TMEM132C: variants seen among roughly 807,000 people sequenced by gnomAD.
TMEM132C encodes the protein transmembrane protein 132C.
Under a neutral mutation model 61.4 loss-of-function variants are expected in TMEM132C, and 29 were observed. The ratio of observed to expected loss-of-function variants is 0.47; its 90% CI spans 0.35 to 0.64. The LOEUF is 0.64. Among genes scored for constraint, TMEM132C ranks in the 30% least tolerant of loss-of-function variants. TMEM132C has a pLI of 0.00. For synonymous variants in TMEM132C, 656 were observed against 633.1 expected (o/e 1.04, Z -0.54); for missense variants, 1,408 against 1,476.9 (o/e 0.95, Z 0.76).
At chr12:128,463,790 C>T (rs1324897570) in intron 2 of TMEM132C, among the ~76,000 whole-genome samples, 1 of 152,120 alleles carries the variant, frequency 6.6e-6, no homozygotes, top group Non-Finnish European at 1.5e-5. Context: ...TGTGTGCCTT[C>T]CCTACTCCCT....
rs572818526 is a variant in TMEM132C at position 128,580,759 on chromosome 12, C to T, written c.1122-35393C>T. 3.3e-5 allele frequency among the ~76,000 whole-genome samples: 5 copies of T among 152,260 alleles called. No homozygotes were observed. In the South Asian group the frequency reaches 6.2e-4, roughly 19 times the overall value. ...TCCCTGAGACTAAACTTACACTGCCCGCTCGCGCCAGCTTGCTACCCTCAG... is the reference window on the plus strand; with the variant it reads ...TCCCTGAGACTAAACTTACACTGCCTGCTCGCGCCAGCTTGCTACCCTCAG... On this transcript the variant is annotated intron_variant, in intron 3 of 8. Transcript: ENST00000435159.
intron 1 of TMEM132C, among the ~76,000 whole-genome samples, chr12:128,306,362 T>C (rs1422541741): frequency 6.6e-6 from 1 of 151,986 alleles, no homozygotes; most frequent in Non-Finnish European, 1.5e-5. Context: ...CCACCACGCC[T>C]GGCTAATTTT....
chr12:128,599,304 G>A (rs1593114819), intron 3 of TMEM132C, among the ~76,000 whole-genome samples: 1 of 152,208 alleles, frequency 6.6e-6, no homozygotes, highest in South Asian at 2.1e-4. Context: ...AATCTCTGCT[G>A]CAGAACTGCC....
intron 5 of TMEM132C, among the ~76,000 whole-genome samples, chr12:128,686,183 A>T (rs1357639412): frequency 6.6e-6 from 1 of 152,124 alleles, no homozygotes; most frequent in Non-Finnish European, 1.5e-5. Context: ...TGTTGGCGGC[A>T]CTGGGTGCGC....
intron 1 of TMEM132C, among the ~76,000 whole-genome samples, chr12:128,402,626 GACGGACC>G (rs144690170): frequency 0.1 from 15,766 of 152,262 alleles, 1,001 homozygotes; most frequent in East Asian, 0.16. Flanking sequence ...CCCACCTGCA[GACGGACC>G]TCGGTTCCAA....
intron 8 of TMEM132C, among the ~76,000 whole-genome samples, chr12:128,700,786 T>C (rs979820720): frequency 6.6e-6 from 1 of 152,210 alleles, no homozygotes; most frequent in Non-Finnish European, 1.5e-5. Context: ...GAAGGACTTA[T>C]TGGATTGTGT....
chr12:128,359,267 G>GA (rs1484105445), intron 1 of TMEM132C, among the ~76,000 whole-genome samples: 2 of 152,156 alleles, frequency 1.3e-5, no homozygotes, highest in African/African-American at 4.8e-5. Context: ...CATGGCTGGG[G>GA]AGGCCTCACA....
At chr12:128,331,146 T>G (rs2135944943) in intron 1 of TMEM132C, among the ~76,000 whole-genome samples, 1 of 143,106 alleles carries the variant, frequency 7.0e-6, no homozygotes, top group South Asian at 2.3e-4. Flanking sequence ...TCCCCAATCC[T>G]GTTTTCTCTA....
intron 2 of TMEM132C, among the ~76,000 whole-genome samples, chr12:128,455,209 G>A (rs1356598965): frequency 6.6e-6 from 1 of 152,194 alleles, no homozygotes; most frequent in African/African-American, 2.4e-5. Flanking sequence ...ACAGCTTGAA[G>A]CAAAGAGCTG....
At chr12:128,336,081 A>G (rs568690563) in intron 1 of TMEM132C, among the ~76,000 whole-genome samples, 2 of 152,336 alleles carry the variant, frequency 1.3e-5, no homozygotes, top group African/African-American at 2.4e-5. Context: ...TTGTGTTTTA[A>G]ATAAATACAA....
intron 2 of TMEM132C, among the ~76,000 whole-genome samples, chr12:128,466,343 A>G (rs1168184474): frequency 2.0e-5 from 3 of 152,220 alleles, no homozygotes; most frequent in Admixed American, 1.3e-4. Context: ...TTGACCTGCA[A>G]GCATGCTTTG....
chr12:128,504,171 G>T (rs1872274519), intron 2 of TMEM132C, among the ~76,000 whole-genome samples: 2 of 152,208 alleles, frequency 1.3e-5, no homozygotes, highest in South Asian at 2.1e-4. Flanking sequence ...ACAGCTCAGG[G>T]TCTCCAAGAG....
chr12:128,273,432 A>G (rs911529208), intron 1 of TMEM132C, among the ~76,000 whole-genome samples: 1 of 151,944 alleles, frequency 6.6e-6, no homozygotes, highest in African/African-American at 2.4e-5. Context: ...TTATGTCTCT[A>G]TATGTAATGT....
intron 4 of TMEM132C, among the ~76,000 whole-genome samples, chr12:128,660,663 G>A (rs1954378691): frequency 6.6e-6 from 1 of 152,148 alleles, no homozygotes; most frequent in Admixed American, 6.5e-5. Context: ...AGAAGAAAAC[G>A]GCTTGCCAAG....
chr12:128,525,958 C>T (rs1391574716), intron 2 of TMEM132C, among the ~76,000 whole-genome samples: 1 of 152,194 alleles, frequency 6.6e-6, no homozygotes, highest in East Asian at 1.9e-4. Flanking sequence ...ACGACCTCCA[C>T]GGGCTACCAC....
intron 1 of TMEM132C, among the ~76,000 whole-genome samples, chr12:128,410,513 C>G (rs1022305378): frequency 7.2e-5 from 11 of 152,150 alleles, no homozygotes; most frequent in Non-Finnish European, 1.3e-4. Context: ...AGTGATTCTC[C>G]TGCCTCAGCC....
chr12:128,301,482 C>T (rs952010065), intron 1 of TMEM132C, among the ~76,000 whole-genome samples: 1 of 152,116 alleles, frequency 6.6e-6, no homozygotes, highest in South Asian at 2.1e-4. Flanking sequence ...CTAATAGTTT[C>T]CCATCTTCTT....
intron 2 of TMEM132C, among the ~76,000 whole-genome samples, chr12:128,472,404 GGTTA>G (rs1870982589): frequency 6.6e-6 from 1 of 152,170 alleles, no homozygotes; most frequent in Non-Finnish European, 1.5e-5. Flanking sequence ...GGAAATATTA[GGTTA>G]GTCAACGGGA....
chr12:128,396,609 C>T (rs1874967922), intron 1 of TMEM132C, among the ~76,000 whole-genome samples: 1 of 152,076 alleles, frequency 6.6e-6, no homozygotes, highest in South Asian at 2.1e-4. Flanking sequence ...TTTTGAGGAC[C>T]TATCATGTGC....
Sources: gnomAD v4.1 joint callset for allele counts (sites outside exome capture counted in the v4.1 genomes callset) on GRCh38, gnomAD v4.1.1 for gene constraint, MANE v1.5 for transcripts, NCBI Gene and HGNC (gene_info 2026-07-23, HGNC 2026-07-21) for gene names.